The following EEA1 variants were observed in gnomAD, a reference collection of about 807,000 sequenced individuals.
EEA1 encodes early endosome antigen 1, also known as early endosome antigen 1, 162kD.
EEA1 carries 111 observed loss-of-function variants against 209.2 expected under a neutral mutation model. The ratio of observed to expected loss-of-function variants is 0.53; its 90% CI spans 0.45 to 0.62. The LOEUF (loss-of-function observed/expected upper bound fraction) is 0.62. EEA1 is among the 20% of genes least tolerant of loss of function. The pLI is 0.00. For synonymous variants in EEA1, 536 were observed against 540.6 expected, an observed-to-expected ratio of 0.99 and a Z score of 0.12; for missense variants, 1,343 against 1,530.8, an observed-to-expected ratio of 0.88 and a Z score of 2.05.
At chr12:92,830,120 C>T (rs1279546396) in intron 11 of EEA1, among the ~76,000 whole-genome samples, 3 of 151,946 alleles carry the variant, frequency 2.0e-5, no homozygotes, top group African/African-American at 7.3e-5. Context: ...CACATACATG[C>T]AAGAAATCTG....
At chr12:92,852,882 T>C (rs1483747629) in intron 7 of EEA1, 30 bp downstream of exon 7, 1 of 1,513,178 alleles carries the variant, frequency 6.6e-7, no homozygotes, top group Admixed American at 1.7e-5. Flanking sequence ...GAGATTGATT[T>C]ATTGGCTAAA....
At chr12:92,866,029 A>G (rs138656766) in intron 2 of EEA1, among the ~76,000 whole-genome samples, 9,241 of 151,766 alleles carry the variant, frequency 0.061, 307 homozygotes, top group Middle Eastern at 0.11. Flanking sequence ...GATTACAGGC[A>G]TGAGCCACCA....
chr12:92,771,751 G>A lies in EEA1; in HGVS notation c.*4260C>T, dbSNP rs1448010591. On this transcript the variant is annotated 3_prime_UTR_variant, in exon 29 of 29. Coordinates refer to ENST00000322349, the MANE Select transcript of EEA1 (RefSeq NM_003566.4). ...TTAGATATAAACTAACCTCGGAGGT[G>A]AGCAGTGGACTAGGATGAGGTGGCC... The A allele has an allele frequency of 2.0e-5, 3 of 151,992 alleles. No individual in the cohort carries two copies. The highest frequency in any genetic ancestry group is 7.2e-5 in the African/African-American group (3 of 41,422). The allele number at this position is 151,992 out of a possible 1,614,324, so 9.4% of individuals were successfully genotyped here. A position where few individuals can be genotyped will look rare whatever the true frequency, so the allele number is the denominator to read the frequency against.
chr12:92,922,153 T>C (rs965899451), intron 1 of EEA1, among the ~76,000 whole-genome samples: 2 of 152,182 alleles, frequency 1.3e-5, no homozygotes, highest in Non-Finnish European at 2.9e-5. Context: ...ACTTGTCTTC[T>C]GAGTGCTGGA....
chr12:92,806,566 A>G (rs1875216134), intron 18 of EEA1, among the ~76,000 whole-genome samples: 1 of 152,196 alleles, frequency 6.6e-6, no homozygotes, highest in Non-Finnish European at 1.5e-5. Context: ...TAAGAAACAA[A>G]TAATATCCAT....
intron 1 of EEA1, among the ~76,000 whole-genome samples, chr12:92,894,574 CA>C (rs1225235964): frequency 6.6e-6 from 1 of 152,186 alleles, no homozygotes; most frequent in Non-Finnish European, 1.5e-5. Flanking sequence ...GATATAAGTT[CA>C]AACCAGCCAT....
chr12:92,829,271 C>CT lies in EEA1; in HGVS notation c.1255-1211_1255-1210insA, dbSNP rs1232809096. 2.0e-5 allele frequency among the ~76,000 whole-genome samples: 3 copies of CT among 152,048 alleles called. No individual in the cohort carries two copies. The East Asian group carries it at 5.8e-4, about 30-fold the overall frequency. On this transcript the variant is annotated intron_variant, in intron 11 of 28. Transcript: ENST00000322349. ...GCAGTGAGCTGAAATCTCGCCACTG[C>CT]ACTCCAGCCTAGGCAACAAAGTGAG...
chr12:92,918,674 C>T (rs1412953892), intron 1 of EEA1, among the ~76,000 whole-genome samples: 1 of 96,120 alleles, frequency 1.0e-5, no homozygotes, highest in Admixed American at 9.2e-5. Context: ...CCTAACATCA[C>T]AATTAAAAGA....
At chr12:92,892,177 A>G (rs1879677452) in intron 1 of EEA1, among the ~76,000 whole-genome samples, 1 of 151,752 alleles carries the variant, frequency 6.6e-6, no homozygotes, top group South Asian at 2.1e-4. Flanking sequence ...TGCAACCTCC[A>G]CCTCCCAGGC....
At chr12:92,809,306 T>C in intron 17 of EEA1, 150 bp from the exon 18 acceptor site, 1 of 540,724 alleles carries the variant, frequency 1.8e-6, no homozygotes, top group East Asian at 3.6e-5. Context: ...AAACCATTAC[T>C]AAGGGTGTTA....
intron 3 of EEA1, among the ~76,000 whole-genome samples, chr12:92,861,988 G>A (rs61935265): frequency 0.26 from 39,186 of 151,936 alleles, 5,561 homozygotes; most frequent in Non-Finnish European, 0.32. Context: ...AATGCATCAA[G>A]CTTCAAATAT....
chr12:92,915,366 G>T (rs1880726841), intron 1 of EEA1, among the ~76,000 whole-genome samples: 1 of 152,182 alleles, frequency 6.6e-6, no homozygotes, highest in African/African-American at 2.4e-5. Context: ...TACTAGGGAG[G>T]CTAAGCCAGG....
chr12:92,826,207 C>A lies in EEA1; in HGVS notation c.1483G>T (p.Ala495Ser), dbSNP rs147410454. ...TTTGCCGTGGTGCTTTGCTGAAGAG[C>A]CTGTTGTTCTTGATGCTGTTGCTTT... is the stretch of plus-strand genomic sequence containing the variant. ...KTKQQHQEQQ[A>S]LQQSTTAKLR... The change falls in exon 13 of 29, where the codon GCT (alanine) becomes TCT (serine). Residue 495 changes from alanine (A) to serine (S), a missense_variant. Physicochemically the swap from Ala to Ser is moderately conservative, Grantham distance 99 (BLOSUM62 1). Transcript: ENST00000322349. 4 of 1,613,380 alleles carry A rather than the reference C, an allele frequency of 2.5e-6. No homozygotes were observed. In the African/African-American group the frequency reaches 5.3e-5, roughly 22 times the overall value.
Position 92,924,499 on chromosome 12 carries a change from G to A in EEA1, c.24+4544C>T, listed in dbSNP as rs188170759. Among the ~76,000 whole-genome samples the A allele has an allele frequency of 2.1e-3, 316 of 152,082 alleles. 1 individual carries two copies. Among genetic ancestry groups the A allele is most frequent in the African/African-American group, 6.9e-3 (286 of 41,504 alleles). The stretch of plus-strand genomic sequence containing the variant: ...GCTGGGATTACAGGCATGAGCCACC[G>A]CGCCTGGCTGAGACTTTTATACATA... On this transcript the variant is annotated intron_variant, in intron 1 of 28. Transcript: ENST00000322349.
At chr12:92,816,896 G>A (rs367869910) in intron 14 of EEA1, among the ~76,000 whole-genome samples, 8 of 149,376 alleles carry the variant, frequency 5.4e-5, no homozygotes, top group Admixed American at 4.0e-4. Flanking sequence ...CCCATTCTGT[G>A]TTACGGCTTT....
At chr12:92,819,012 T>C (rs1875923169) in intron 14 of EEA1, among the ~76,000 whole-genome samples, 1 of 152,176 alleles carries the variant, frequency 6.6e-6, no homozygotes, top group African/African-American at 2.4e-5. Context: ...CATGCACTAT[T>C]AATATTTCTG....
At chr12:92,793,516 G>A (rs1448451678) in intron 21 of EEA1, among the ~76,000 whole-genome samples, 1 of 152,102 alleles carries the variant, frequency 6.6e-6, no homozygotes, top group African/African-American at 2.4e-5. Context: ...AATCATGAGT[G>A]AACTCCCATT....
chr12:92,781,280 C>T (rs1277123849), intron 23 of EEA1, among the ~76,000 whole-genome samples: 1 of 152,156 alleles, frequency 6.6e-6, no homozygotes, highest in African/African-American at 2.4e-5. Context: ...CCAGCTTCAC[C>T]ATCACCACAC....
chr12:92,853,776 G>A, intron 6 of EEA1, 139 bp downstream of exon 6: 1 of 576,488 alleles, frequency 1.7e-6, no homozygotes, highest in Non-Finnish European at 2.8e-6. Context: ...CCTAGAATAT[G>A]ACCATTATCT....
Sources: gnomAD v4.1 joint callset for allele counts (sites outside exome capture counted in the v4.1 genomes callset) on GRCh38, gnomAD v4.1.1 for gene constraint, MANE v1.5 for transcripts, NCBI Gene and HGNC (gene_info 2026-07-23, HGNC 2026-07-21) for gene names.